The following CPA4 variants were observed in gnomAD, a reference collection of about 807,000 sequenced individuals.
CPA4 encodes carboxypeptidase A3.
CPA4 carries 49 observed loss-of-function variants against 54.7 expected under a neutral mutation model. The observed-to-expected ratio is 0.90, with a 90% CI of 0.71 to 1.14. The LOEUF (loss-of-function observed/expected upper bound fraction) is 1.14. CPA4 is among the 50% of genes most tolerant of loss of function. CPA4 has a pLI of 0.00. For missense variants in CPA4, 487 were observed against 525.1 expected (o/e 0.93, Z 0.71); for synonymous variants, 215 against 206.8 (o/e 1.04, Z -0.34).
rs1175629092 is a variant in CPA4, at chr7:130,304,547, T to C, written c.454T>C (p.Ser152Pro). 4.3e-6 allele frequency: 7 copies of C among 1,613,518 alleles called. No individual in the cohort carries two copies. In the African/African-American group the frequency reaches 8.0e-5, roughly 18 times the overall value. The change falls in exon 5 of 11, where the codon TCG (serine) becomes CCG (proline). Residue 152 changes from serine to proline, a missense_variant. Ser to Pro is a moderately conservative substitution (Grantham distance 74). Coordinates refer to ENST00000222482, the MANE Select transcript of CPA4 (RefSeq NM_016352.4). ...DLARRVKIGH[S>P]FENRPMYVLK... is the part of the protein sequence containing the mutation. ...GGCGAGGAGGGTGAAGATTGGACAT[T>C]CGTTTGAAAACCGGCCGATGTATGT... is the stretch of plus-strand genomic sequence containing the variant.
chr7:130,311,937 G>A (rs142266205), intron 9 of CPA4, 101 bp from the exon 10 acceptor site: 2 of 848,854 alleles, frequency 2.4e-6, no homozygotes, highest in Non-Finnish European at 3.9e-6. Context: ...AGGAAATCGG[G>A]GGGGGCTGAG....
chr7:130,305,040 CAG>C (rs1793798462), intron 5 of CPA4, among the ~76,000 whole-genome samples: 1 of 151,914 alleles, frequency 6.6e-6, no homozygotes, highest in East Asian at 1.9e-4. Context: ...ATATTTCTAA[CAG>C]ATTCAAGACT....
At chr7:130,301,008 C>T (rs963565158) in intron 4 of CPA4, 94 bp downstream of exon 4, 1 of 783,822 alleles carries the variant, frequency 1.3e-6, no homozygotes, top group African/African-American at 1.7e-5. Context: ...GTCTTCAGCA[C>T]AATATCCCCT....
intron 10 of CPA4, among the ~76,000 whole-genome samples, chr7:130,315,864 T>C (rs1793979651): frequency 6.6e-6 from 1 of 152,204 alleles, no homozygotes; most frequent in Non-Finnish European, 1.5e-5. Context: ...TTTTAACTGT[T>C]CCTTTATATC....
chr7:130,306,034 C>G (rs937127818), intron 6 of CPA4, 114 bp downstream of exon 6: 1 of 807,972 alleles, frequency 1.2e-6, no homozygotes, highest in East Asian at 2.6e-5. Flanking sequence ...AAGACCCAGT[C>G]GGCTGGGGGG....
At position 130,308,847 on chromosome 7, in the gene CPA4, A is replaced by C. The variant is rs576692053; in HGVS notation, c.793+450A>C. On this transcript the variant is annotated intron_variant, in intron 8 of 10. Coordinates refer to ENST00000222482, the MANE Select transcript of CPA4 (RefSeq NM_016352.4). ...AGTATAGCCGTAAGCCACCTAGCCC[A>C]GCCTTTTTTTTTTTTTTTGAGACAG... Among the ~76,000 whole-genome samples, 27 of 119,906 alleles carry C rather than the reference A, an allele frequency of 2.3e-4. 1 individual carries two copies. The Admixed American group carries it at 2.3e-3, about 10-fold the overall frequency. 78.7% of individuals were successfully genotyped at this position (119,906 alleles called of 152,430 possible). A position where few individuals can be genotyped will look rare whatever the true frequency, so the allele number is the denominator to read the frequency against.
chr7:130,312,185 T>C (rs1793926160), intron 10 of CPA4, 63 bp downstream of exon 10: 1 of 1,197,306 alleles, frequency 8.4e-7, no homozygotes, highest in Non-Finnish European at 1.2e-6. Flanking sequence ...TGAAATGGAG[T>C]GGGAGGAGGG....
chr7:130,304,064 A>C (rs112355878), intron 4 of CPA4, among the ~76,000 whole-genome samples: 2,663 of 151,056 alleles, frequency 0.018, 90 homozygotes, highest in African/African-American at 0.062. Flanking sequence ...ATGGGGTCTC[A>C]CTATGTTGCC....
chr7:130,293,399 CTCTCT>C (rs1793602249), intron 1 of CPA4, 151 bp downstream of exon 1: 1 of 644,930 alleles, frequency 1.6e-6, no homozygotes, highest in Non-Finnish European at 2.8e-6. Context: ...GACAAGTCCA[CTCTCT>C]TCTCTGAGAC....
At chr7:130,319,364 G>A (rs1794048563) in intron 10 of CPA4, among the ~76,000 whole-genome samples, 1 of 152,194 alleles carries the variant, frequency 6.6e-6, no homozygotes, top group Non-Finnish European at 1.5e-5. Context: ...TACAATGTTG[G>A]TGCGTTACCC....
chr7:130,302,474 G>A (rs1412902958), intron 4 of CPA4, among the ~76,000 whole-genome samples: 2 of 148,578 alleles, frequency 1.3e-5, no homozygotes, highest in Admixed American at 6.7e-5. Context: ...GGGTGACTGA[G>A]CGAGACTCTG....
intron 5 of CPA4, among the ~76,000 whole-genome samples, chr7:130,305,563 A>G (rs1204035513): frequency 6.6e-6 from 1 of 152,080 alleles, no homozygotes; most frequent in Admixed American, 6.5e-5. Context: ...AAACACAGTA[A>G]CGGTTGTTTC....
intron 1 of CPA4, among the ~76,000 whole-genome samples, chr7:130,298,144 C>G (rs1001027228): frequency 6.6e-6 from 1 of 152,142 alleles, no homozygotes; most frequent in African/African-American, 2.4e-5. Context: ...AGGGACTGAG[C>G]GAGCACCCAG....
intron 4 of CPA4, among the ~76,000 whole-genome samples, chr7:130,301,500 G>A (rs764015662): frequency 3.9e-5 from 6 of 152,154 alleles, no homozygotes; most frequent in African/African-American, 1.4e-4. Context: ...AAGAGAGGCT[G>A]TAGAATAGAA....
chr7:130,306,051 C>T, intron 6 of CPA4, 131 bp downstream of exon 6: 1 of 695,446 alleles, frequency 1.4e-6, no homozygotes. Flanking sequence ...GGGGCCTTTT[C>T]AGATTGGAGA....
At chr7:130,316,956 G>A (rs1299659566) in intron 10 of CPA4, among the ~76,000 whole-genome samples, 1 of 151,936 alleles carries the variant, frequency 6.6e-6, no homozygotes, top group South Asian at 2.1e-4. Flanking sequence ...GTGGGATTTG[G>A]GGGGTAGCAT....
At chr7:130,316,239 G>GATTAGTTTTCCATT (rs1366927678) in intron 10 of CPA4, among the ~76,000 whole-genome samples, 1 of 152,182 alleles carries the variant, frequency 6.6e-6, no homozygotes, top group African/African-American at 2.4e-5. Flanking sequence ...TTAGATGATG[G>GATTAGTTTTCCATT]ATTAGTTTTC....
intron 3 of CPA4, among the ~76,000 whole-genome samples, chr7:130,300,073 TG>T (rs147829757): frequency 0.018 from 2,690 of 152,306 alleles, 92 homozygotes; most frequent in African/African-American, 0.062. Flanking sequence ...AGTTTCCTGA[TG>T]GCGTTAGCAG....
At position 130,322,513 on chromosome 7, in the gene CPA4, A is replaced by G; in HGVS notation, c.1103A>G (p.Asp368Gly). ...GATCCAGCTAGCGGGAGCAGCATCG[A>G]CTGGGCATATGACAACGGCATCAAA... ...TVYPASGSSI[D>G]WAYDNGIKFA... The change falls in exon 11 of 11, where the codon GAC becomes GGC. Residue 368 changes from aspartate (D) to glycine (G), a missense_variant. Coordinates refer to ENST00000222482, the MANE Select transcript of CPA4 (RefSeq NM_016352.4). 2 of 1,614,038 alleles carry G rather than the reference A, an allele frequency of 1.2e-6. No homozygotes were observed. Among genetic ancestry groups the G allele is most frequent in the Non-Finnish European group, 1.7e-6 (2 of 1,179,942 alleles).
Sources: gnomAD v4.1 joint callset for allele counts (sites outside exome capture counted in the v4.1 genomes callset) on GRCh38, gnomAD v4.1.1 for gene constraint, MANE v1.5 for transcripts, NCBI Gene and HGNC (gene_info 2026-07-23, HGNC 2026-07-21) for gene names.